AMD1: variants seen among roughly 807,000 people sequenced by gnomAD.
The protein encoded by AMD1 is S-adenosylmethionine decarboxylase proenzyme.
AMD1 carries 11 observed loss-of-function variants against 40.2 expected under a neutral mutation model. The ratio of observed to expected loss-of-function variants is 0.27; its 90% confidence interval spans 0.17 to 0.45. The LOEUF is 0.45. Ranked by LOEUF, AMD1 falls within the 20% of genes least tolerant of loss-of-function variation. The pLI, the probability that AMD1 is intolerant of heterozygous loss-of-function variation, is 1.00. For synonymous variants in AMD1, 121 were observed against 130.8 expected, an observed-to-expected ratio of 0.93 and a Z score of 0.51; for missense variants, 257 against 410.2, an observed-to-expected ratio of 0.63 and a Z score of 3.23.
chr6:110,852,458 G>A, the AMD1 span, among the ~76,000 whole-genome samples: 1 of 151,840 alleles, frequency 6.6e-6, no homozygotes, highest in East Asian at 1.9e-4. Flanking sequence ...CTGACCTCAG[G>A]ATCCACCCAT....
chr6:110,839,888 C>T, the AMD1 span, among the ~76,000 whole-genome samples: 1 of 151,974 alleles, frequency 6.6e-6, no homozygotes, highest in African/African-American at 2.4e-5. Context: ...GCCAACATGG[C>T]TGGGAAATGA....
intron 1 of AMD1, among the ~76,000 whole-genome samples, chr6:110,877,005 G>A (rs879887826): frequency 9.2e-5 from 14 of 152,204 alleles, no homozygotes; most frequent in Admixed American, 2.0e-4. Context: ...AAAGTGGAGA[G>A]AGGAGGAAGA....
chr6:110,882,576 A>G (rs1785468688), intron 1 of AMD1, among the ~76,000 whole-genome samples: 1 of 152,204 alleles, frequency 6.6e-6, no homozygotes, highest in Non-Finnish European at 1.5e-5. Context: ...GTACATGTAT[A>G]GCATTGTATT....
chr6:110,855,473 G>A, the AMD1 span, among the ~76,000 whole-genome samples: 1 of 152,140 alleles, frequency 6.6e-6, no homozygotes, highest in African/African-American at 2.4e-5. Flanking sequence ...CATAGATTAT[G>A]TATCACTTGG....
upstream of AMD1, among the ~76,000 whole-genome samples, chr6:110,871,700 T>A (rs1397641622): frequency 6.6e-6 from 1 of 152,256 alleles, no homozygotes. Flanking sequence ...AGGCAGATTT[T>A]GCTGTGAAAA....
At chr6:110,822,521 G>A in the AMD1 span, among the ~76,000 whole-genome samples, 1 of 152,148 alleles carries the variant, frequency 6.6e-6, no homozygotes, top group South Asian at 2.1e-4. Flanking sequence ...CCAAAAGATT[G>A]TGAAAGAAGG....
intron 1 of AMD1, among the ~76,000 whole-genome samples, chr6:110,879,658 A>G (rs893068146): frequency 1.3e-5 from 2 of 152,186 alleles, no homozygotes; most frequent in African/African-American, 4.8e-5. Flanking sequence ...TACCTGGGGT[A>G]GAGGCACCCT....
At chr6:110,862,259 A>C in the AMD1 span, among the ~76,000 whole-genome samples, 4 of 149,156 alleles carry the variant, frequency 2.7e-5, no homozygotes, top group Non-Finnish European at 5.9e-5. Flanking sequence ...CCTAGCTTTA[A>C]TTTCCTAGCA....
the AMD1 span, among the ~76,000 whole-genome samples, chr6:110,825,024 A>G: frequency 6.6e-6 from 1 of 152,212 alleles, no homozygotes; most frequent in African/African-American, 2.4e-5. Context: ...AATACCCAGT[A>G]TAGTAGTCCC....
intron 1 of AMD1, among the ~76,000 whole-genome samples, chr6:110,880,290 T>C (rs1305709135): frequency 6.6e-6 from 1 of 152,170 alleles, no homozygotes. Context: ...ATTGACCCCT[T>C]ATGAGGTGAC....
At chr6:110,857,932 T>C in the AMD1 span, among the ~76,000 whole-genome samples, 1 of 151,934 alleles carries the variant, frequency 6.6e-6, no homozygotes. Context: ...ACTTCTGAAC[T>C]CAAGCTGTCC....
chr6:110,857,803 A>G, the AMD1 span, among the ~76,000 whole-genome samples: 10 of 148,578 alleles, frequency 6.7e-5, no homozygotes, highest in Non-Finnish European at 1.0e-4. Context: ...ATATATATAT[A>G]GATGGTATAT....
chr6:110,857,875 C>G, the AMD1 span, among the ~76,000 whole-genome samples: 33 of 150,736 alleles, frequency 2.2e-4, no homozygotes, highest in Non-Finnish European at 4.0e-4. Flanking sequence ...CGCTCTGTCA[C>G]CCAGGCTGGA....
At chr6:110,848,994 A>T in the AMD1 span, among the ~76,000 whole-genome samples, 3 of 152,220 alleles carry the variant, frequency 2.0e-5, no homozygotes, top group Non-Finnish European at 4.4e-5. Context: ...TAACAAAGAC[A>T]GACCCTGTCT....
chr6:110,891,641 AC>A (rs1786020638), intron 4 of AMD1: 1 of 160,968 alleles, frequency 6.2e-6, no homozygotes. Context: ...ATGAAACCAA[AC>A]CAGGCTAATC....
Position 110,875,222 on chromosome 6 carries a change from C to A in AMD1, c.110+7C>A, listed in dbSNP as rs374054924. 1.3e-6 allele frequency: 2 copies of A among 1,595,926 alleles called. No individual in the cohort carries two copies. Among genetic ancestry groups the A allele is most frequent in the African/African-American group, 1.3e-5 (1 of 74,400 alleles). On this transcript the variant is annotated splice_region_variant and intron_variant, in intron 1 of 8. Coordinates refer to ENST00000368885, the MANE Select transcript of AMD1 (RefSeq NM_001634.6). ...ATCTTCGCACTATCCCAAGGTGGGT[C>A]CCCGGGGCGCTCGCTGACATCCGGG... is the stretch of plus-strand genomic sequence containing the variant.
chr6:110,872,530 A>G (rs1314793802), upstream of AMD1, among the ~76,000 whole-genome samples: 1 of 152,216 alleles, frequency 6.6e-6, no homozygotes, highest in African/African-American at 2.4e-5. Context: ...AAGGGAAATC[A>G]TTTTAGAAAT....
chr6:110,831,189 C>T, the AMD1 span, among the ~76,000 whole-genome samples: 1 of 151,782 alleles, frequency 6.6e-6, no homozygotes, highest in East Asian at 1.9e-4. Context: ...CCTGTAATCC[C>T]AACACTTCAG....
chr6:110,863,815 A>G, the AMD1 span: 1 of 342,118 alleles, frequency 2.9e-6, no homozygotes, highest in Non-Finnish European at 5.7e-6. Context: ...AACAAATGGC[A>G]TCACCTGGAG....
Sources: gnomAD v4.1 joint callset for allele counts (sites outside exome capture counted in the v4.1 genomes callset) on GRCh38, gnomAD v4.1.1 for gene constraint, MANE v1.5 for transcripts, NCBI Gene and HGNC (gene_info 2026-07-23, HGNC 2026-07-21) for gene names.